ESD: variants seen among roughly 807,000 people sequenced by gnomAD.
The protein encoded by ESD is S-formylglutathione hydrolase.
Under a neutral mutation model 38.1 loss-of-function variants are expected in ESD, and 34 were observed. The observed-to-expected ratio is 0.89, with a 90% CI of 0.68 to 1.19. The LOEUF (loss-of-function observed/expected upper bound fraction) is 1.19. ESD is among the 50% of genes most tolerant of loss of function. ESD has a pLI of 0.00. For synonymous variants in ESD, 97 were observed against 107.0 expected (o/e 0.91, Z 0.58); for missense variants, 334 against 327.2 (o/e 1.02, Z -0.16).
chr13:46,776,347 G>A (rs2794658), intron 9 of ESD: 31,579 of 152,034 alleles, frequency 0.21, 4,674 homozygotes, highest in East Asian at 0.4. Context: ...CATAAGTTAC[G>A]TAGGCAGCAA....
intron 9 of ESD, chr13:46,776,767 C>A (rs1874812587): frequency 6.6e-6 from 1 of 152,026 alleles, no homozygotes; most frequent in Admixed American, 6.6e-5. Context: ...ATTTAAAAAT[C>A]ATGACCATGT....
At chr13:46,778,037 A>G (rs888774275) in intron 8 of ESD, among the ~76,000 whole-genome samples, 37 of 151,562 alleles carry the variant, frequency 2.4e-4, no homozygotes, top group Admixed American at 1.3e-4. Flanking sequence ...AATATTCTCT[A>G]TTTCAGATAA....
In ESD at chr13:46,781,521, G is replaced by A. The variant is rs778452231; in HGVS notation, c.476C>T (p.Ala159Val). ...TTTGTATTTTCCAGGATTTTTCAAA[G>A]CACAGATCAGAGCTCCATGACCTCC... ...SMGGHGALICALKNPGKYKSV... is the reference protein window; with the variant it reads ...SMGGHGALICVLKNPGKYKSV... Residue 159 changes from alanine (A) to valine (V), a missense_variant, in exon 7 of 10, where the codon GCT (alanine) becomes GTT (valine). Coordinates refer to ENST00000378720, the MANE Select transcript of ESD (RefSeq NM_001984.2). 6.2e-7 allele frequency: 1 copy of A among 1,605,038 alleles called. No individual in the cohort carries two copies. The highest frequency in any genetic ancestry group is 1.1e-5 in the South Asian group (1 of 89,810).
chr13:46,788,788 A>G (rs1057294179), intron 3 of ESD, among the ~76,000 whole-genome samples: 2 of 152,038 alleles, frequency 1.3e-5, no homozygotes, highest in Non-Finnish European at 2.9e-5. Flanking sequence ...TCATGCACAG[A>G]TATTTGTGTG....
Position 46,782,559 on chromosome 13 carries a change from A to ATATACCCTATATACCTATAGGGTATATAG in ESD, c.381+107_381+108insCTATATACCCTATAGGTATATAGGGTATA. ...ACTAGCAAACTTTGGAATTTTTACT[A>ATATACCCTATATACCTATAGGGTATATAG]GTAACTTTTATACCCTAGTTTAAAA... On this transcript the variant is annotated intron_variant, in intron 6 of 9. Transcript: ENST00000378720. The ATATACCCTATATACCTATAGGGTATATAG allele has an allele frequency of 2.5e-6, 3 of 1,221,224 alleles. No individual in the cohort carries two copies. In the South Asian group the frequency reaches 4.5e-5, roughly 18 times the overall value. 75.6% of individuals were successfully genotyped at this position (1,221,224 alleles called of 1,614,324 possible). A position where few individuals can be genotyped will look rare whatever the true frequency, so the allele number is the denominator to read the frequency against.
chr13:46,794,553 C>T (rs1267955468), intron 1 of ESD, among the ~76,000 whole-genome samples: 1 of 151,892 alleles, frequency 6.6e-6, no homozygotes, highest in Admixed American at 6.6e-5. Context: ...AGTTAAATGT[C>T]ATCCACCTCC....
chr13:46,772,778 G>A (rs547930630), intron 9 of ESD, among the ~76,000 whole-genome samples: 14 of 152,024 alleles, frequency 9.2e-5, no homozygotes, highest in East Asian at 7.8e-4. Flanking sequence ...TCCACATCCC[G>A]GGTTCAAGCG....
intron 9 of ESD, among the ~76,000 whole-genome samples, chr13:46,774,407 G>T (rs1320144386): frequency 6.6e-6 from 1 of 152,132 alleles, no homozygotes; most frequent in Non-Finnish European, 1.5e-5. Context: ...CCTGACGAGG[G>T]TTTCTATTTA....
At chr13:46,781,236 A>G (rs1210423362) in intron 7 of ESD, among the ~76,000 whole-genome samples, 2 of 151,774 alleles carry the variant, frequency 1.3e-5, no homozygotes, top group East Asian at 3.9e-4. Context: ...TGGAATAAAA[A>G]CAATTAAAGG....
chr13:46,776,697 C>A (rs118090693), intron 9 of ESD: 1 of 152,038 alleles, frequency 6.6e-6, no homozygotes, highest in Non-Finnish European at 1.5e-5. Context: ...CATTTACCAT[C>A]GTAATTACAT....
intron 7 of ESD, among the ~76,000 whole-genome samples, chr13:46,780,304 T>C (rs1474525947): frequency 6.6e-6 from 1 of 151,722 alleles, no homozygotes; most frequent in Non-Finnish European, 1.5e-5. Context: ...CAATTTAAGA[T>C]ACAAACAGAA....
chr13:46,776,698 G>A (rs184311109), intron 9 of ESD: 12 of 152,138 alleles, frequency 7.9e-5, no homozygotes, highest in African/African-American at 2.4e-4. Flanking sequence ...ATTTACCATC[G>A]TAATTACATT....
intron 3 of ESD, among the ~76,000 whole-genome samples, chr13:46,790,926 G>A (rs1875374746): frequency 6.6e-6 from 1 of 152,132 alleles, no homozygotes; most frequent in African/African-American, 2.4e-5. Context: ...ATGTGTGCGT[G>A]TGTGTTTAAT....
At chr13:46,794,311 G>A (rs1875502608) in intron 1 of ESD, among the ~76,000 whole-genome samples, 1 of 152,062 alleles carries the variant, frequency 6.6e-6, no homozygotes. Flanking sequence ...TTCCCCTAAA[G>A]GTCAAACCTT....
chr13:46,797,419 A>G (rs1412126010), upstream of ESD, among the ~76,000 whole-genome samples: 1 of 152,204 alleles, frequency 6.6e-6, no homozygotes, highest in Admixed American at 6.5e-5. Context: ...CTTGTCGGGG[A>G]TCAGTCTGCT....
intron 2 of ESD, among the ~76,000 whole-genome samples, chr13:46,791,644 A>T (rs540892921): frequency 1.3e-5 from 2 of 152,182 alleles, no homozygotes; most frequent in East Asian, 3.9e-4. Context: ...ACTTTGGTAT[A>T]TCATTACTAA....
chr13:46,784,390 T>G (rs1875118701), intron 4 of ESD, 40 bp from the exon 5 acceptor site: 1 of 1,403,302 alleles, frequency 7.1e-7, no homozygotes, highest in Non-Finnish European at 1.0e-6. Context: ...CACATGGACA[T>G]GAAGATGTGC....
chr13:46,782,088 T>G (rs879942497), intron 6 of ESD, among the ~76,000 whole-genome samples: 1 of 151,766 alleles, frequency 6.6e-6, no homozygotes, highest in Non-Finnish European at 1.5e-5. Flanking sequence ...TAGAAAATAT[T>G]TTTATATGTA....
intron 2 of ESD, among the ~76,000 whole-genome samples, chr13:46,792,632 G>C (rs936334728): frequency 6.6e-6 from 1 of 151,774 alleles, no homozygotes; most frequent in African/African-American, 2.4e-5. Context: ...TAAGATAACT[G>C]ATTCTATAGA....
Sources: allele counts gnomAD v4.1 joint callset (sites outside exome capture counted in the v4.1 genomes callset), GRCh38; gene constraint gnomAD v4.1.1; transcripts MANE v1.5; gene names NCBI Gene and HGNC (gene_info 2026-07-23, HGNC 2026-07-21).